The following PDZD2 variants were observed in gnomAD, a reference collection of about 807,000 sequenced individuals.
The protein encoded by PDZD2 is PDZ domain containing 2.
A neutral mutation model predicts 220.7 loss-of-function variants in PDZD2; 90 were observed. The ratio of observed to expected loss-of-function variants is 0.41; its 90% CI spans 0.34 to 0.49. The LOEUF is 0.49. PDZD2 is among the 20% of genes least tolerant of loss of function. The probability of loss-of-function intolerance (pLI) is 0.28; values close to 1 mark genes in which losing one functional copy is unlikely to be tolerated. For synonymous variants in PDZD2, 1,375 were observed against 1,450.5 expected (o/e 0.95, Z 1.18); for missense variants, 3,174 against 3,608.5 (o/e 0.88, Z 3.08).
intron 1 of PDZD2, among the ~76,000 whole-genome samples, chr5:31,793,397 C>T (rs989033882): frequency 9.9e-5 from 15 of 152,166 alleles, no homozygotes; most frequent in African/African-American, 2.7e-4. Flanking sequence ...GGCCTTTGCA[C>T]CTGCAGTTCC....
At chr5:31,745,368 A>G (rs1163917563) in intron 1 of PDZD2, among the ~76,000 whole-genome samples, 2 of 152,154 alleles carry the variant, frequency 1.3e-5, no homozygotes, top group Non-Finnish European at 2.9e-5. Flanking sequence ...TATTTTGTAC[A>G]TTGTTTTATC....
intron 2 of PDZD2, among the ~76,000 whole-genome samples, chr5:31,806,321 G>A (rs1445383152): frequency 2.0e-5 from 3 of 152,102 alleles, no homozygotes; most frequent in Admixed American, 1.3e-4. Context: ...CTTTGAGAAA[G>A]AACAAAAAAT....
At chr5:31,676,368 G>A (rs773676979) in intron 1 of PDZD2, among the ~76,000 whole-genome samples, 1 of 152,052 alleles carries the variant, frequency 6.6e-6, no homozygotes, top group East Asian at 1.9e-4. Flanking sequence ...CACATACACC[G>A]AAGGCCTCAG....
chr5:31,838,721 G>A lies in PDZD2; in HGVS notation c.476+38997G>A, dbSNP rs190994556. Reference sequence around the variant, plus strand: ...AGAGTAGGCTGATATCCATATAAATGTAACTCTAAAACCTCCCTGCCACTC... The same window carrying A: ...AGAGTAGGCTGATATCCATATAAATATAACTCTAAAACCTCCCTGCCACTC... On this transcript the variant is annotated intron_variant, in intron 2 of 24. Transcript: ENST00000438447. Among the ~76,000 whole-genome samples the A allele has an allele frequency of 3.0e-3, 461 of 152,326 alleles. 2 individuals carry two copies. Among genetic ancestry groups the A allele is most frequent in the African/African-American group, 0.01 (435 of 41,572 alleles).
chr5:31,758,140 G>A (rs1469515557), intron 1 of PDZD2, among the ~76,000 whole-genome samples: 2 of 152,206 alleles, frequency 1.3e-5, no homozygotes, highest in African/African-American at 2.4e-5. Context: ...CTCTCTCAGG[G>A]CATGCCTCCT....
chr5:32,104,149 T>A (rs1214026419), intron 24 of PDZD2, among the ~76,000 whole-genome samples: 3 of 152,138 alleles, frequency 2.0e-5, no homozygotes, highest in African/African-American at 7.2e-5. Context: ...GGCTCATGCT[T>A]GTAATCCCGG....
At chr5:32,019,248 C>A (rs1210098545) in intron 6 of PDZD2, among the ~76,000 whole-genome samples, 2 of 147,372 alleles carry the variant, frequency 1.4e-5, no homozygotes, top group African/African-American at 5.0e-5. Context: ...CTCAAGAGAT[C>A]CTCCCACCTC....
chr5:31,887,826 G>T (rs983043801), intron 2 of PDZD2, among the ~76,000 whole-genome samples: 1 of 151,062 alleles, frequency 6.6e-6, no homozygotes, highest in Non-Finnish European at 1.5e-5. Context: ...GTGCGGGGGA[G>T]GGGGGGAACA....
At chr5:31,710,278 G>T (rs1748027938) in intron 1 of PDZD2, among the ~76,000 whole-genome samples, 1 of 152,246 alleles carries the variant, frequency 6.6e-6, no homozygotes. Flanking sequence ...TCACATGGGT[G>T]ACAGTTTTGC....
intron 6 of PDZD2, among the ~76,000 whole-genome samples, chr5:32,030,624 T>C (rs751267413): frequency 6.6e-6 from 1 of 152,228 alleles, no homozygotes; most frequent in Non-Finnish European, 1.5e-5. Flanking sequence ...CCTTTTTTCC[T>C]AACATACTAA....
chr5:31,935,713 G>T (rs1025672847), intron 2 of PDZD2, among the ~76,000 whole-genome samples: 1 of 152,220 alleles, frequency 6.6e-6, no homozygotes, highest in Non-Finnish European at 1.5e-5. Flanking sequence ...TCACTGAGTG[G>T]AAAGTTTCTT....
At chr5:31,713,384 T>C (rs973361223) in intron 1 of PDZD2, among the ~76,000 whole-genome samples, 7 of 152,208 alleles carry the variant, frequency 4.6e-5, no homozygotes, top group Admixed American at 6.5e-5. Context: ...CTACTGTGCA[T>C]TGTTAATTAT....
intron 2 of PDZD2, among the ~76,000 whole-genome samples, chr5:31,907,271 TC>T (rs1186758773): frequency 6.6e-6 from 1 of 152,326 alleles, no homozygotes; most frequent in East Asian, 1.9e-4. Context: ...AGGGCTCTCT[TC>T]CTGGGTTGTA....
chr5:31,868,615 C>T lies in PDZD2; in HGVS notation c.476+68891C>T, dbSNP rs74734603. Reference sequence around the variant, plus strand: ...CTGCGCGTAGTGTTCATTACTATGCCGACCGTGGATGCCCTTAATAAAACT... The same window carrying T: ...CTGCGCGTAGTGTTCATTACTATGCTGACCGTGGATGCCCTTAATAAAACT... On this transcript the variant is annotated intron_variant, in intron 2 of 24. Transcript: ENST00000438447. Among the ~76,000 whole-genome samples the T allele has an allele frequency of 3.5e-4, 53 of 152,088 alleles. No individual in the cohort carries two copies. In the East Asian group the frequency reaches 6.6e-3, roughly 19 times the overall value.
At chr5:31,815,245 C>CAAAAAAAAA (rs59040987) in intron 2 of PDZD2, among the ~76,000 whole-genome samples, 10 of 57,938 alleles carry the variant, frequency 1.7e-4, no homozygotes, top group African/African-American at 6.1e-4. Context: ...AACTCTGTCT[C>CAAAAAAAAA]AAAAAAAAAA....
intron 23 of PDZD2, 34 bp from the exon 24 acceptor site, chr5:32,101,071 G>A (rs768187512): frequency 6.2e-7 from 1 of 1,613,784 alleles, no homozygotes; most frequent in South Asian, 1.1e-5. Flanking sequence ...GAACAACCCT[G>A]TCATTTTCAT....
chr5:31,850,603 A>G (rs574456224), intron 2 of PDZD2, among the ~76,000 whole-genome samples: 78 of 151,642 alleles, frequency 5.1e-4, no homozygotes, highest in African/African-American at 1.8e-3. Flanking sequence ...CATTAGCATT[A>G]AGCAAGTCGT....
intron 2 of PDZD2, among the ~76,000 whole-genome samples, chr5:31,862,296 G>T (rs1273256580): frequency 6.6e-6 from 1 of 151,532 alleles, no homozygotes; most frequent in Non-Finnish European, 1.5e-5. Flanking sequence ...GTAGAGATGG[G>T]TTTTGCCATG....
intron 2 of PDZD2, among the ~76,000 whole-genome samples, chr5:31,826,908 A>G (rs1037909550): frequency 6.6e-6 from 1 of 152,138 alleles, no homozygotes; most frequent in African/African-American, 2.4e-5. Flanking sequence ...AGAGCCTGGA[A>G]TCGAGCCGGG....
Sources: gnomAD v4.1 joint callset for allele counts (sites outside exome capture counted in the v4.1 genomes callset) on GRCh38, gnomAD v4.1.1 for gene constraint, MANE v1.5 for transcripts, NCBI Gene and HGNC (gene_info 2026-07-23, HGNC 2026-07-21) for gene names.